The following TDP1 variants were observed in gnomAD, a reference collection of about 807,000 sequenced individuals.
The protein encoded by TDP1 is tyrosyl-DNA phosphodiesterase 1, also known as tyr-DNA phosphodiesterase 1.
A neutral mutation model predicts 81.5 loss-of-function variants in TDP1; 64 were observed. That is an observed-to-expected ratio of 0.79 (90% CI 0.64 to 0.97). The LOEUF (loss-of-function observed/expected upper bound fraction) is 0.97, where lower values mean the gene tolerates loss of function less well. Ranked by LOEUF, TDP1 falls within the 50% of genes least tolerant of loss-of-function variation. The pLI, the probability that TDP1 is intolerant of heterozygous loss-of-function variation, is 0.00. For missense variants in TDP1, 723 were observed against 743.8 expected (o/e 0.97, Z 0.33); for synonymous variants, 256 against 264.3 (o/e 0.97, Z 0.30).
chr14:90,010,922 T>C (rs1051135615), intron 14 of TDP1, among the ~76,000 whole-genome samples: 8 of 152,172 alleles, frequency 5.3e-5, no homozygotes, highest in Admixed American at 2.0e-4. Flanking sequence ...AGTAGTGATA[T>C]GGGCTGGCTG....
chr14:90,033,824 G>C (rs541665391), intron 16 of TDP1, among the ~76,000 whole-genome samples: 7 of 152,260 alleles, frequency 4.6e-5, no homozygotes, highest in African/African-American at 1.7e-4. Context: ...AGCACCCTTG[G>C]AGGCCGAGGC....
intron 8 of TDP1, chr14:89,981,363 C>A: frequency 2.4e-6 from 1 of 411,860 alleles, no homozygotes; most frequent in Non-Finnish European, 4.8e-6. Flanking sequence ...ATCCCCTTTT[C>A]AAGAGGGGTT....
At chr14:90,006,568 G>C (rs528805512) in intron 14 of TDP1, among the ~76,000 whole-genome samples, 2 of 151,680 alleles carry the variant, frequency 1.3e-5, no homozygotes, top group South Asian at 2.1e-4. Context: ...ACAGAGTCTT[G>C]CTCTGTCACC....
At chr14:90,030,810 G>T (rs1198329534) in intron 15 of TDP1, among the ~76,000 whole-genome samples, 1 of 151,022 alleles carries the variant, frequency 6.6e-6, no homozygotes, top group East Asian at 1.9e-4. Context: ...CTGTCACCTA[G>T]CCTGGAGTGC....
chr14:90,002,567 T>C (rs958234035), intron 14 of TDP1, among the ~76,000 whole-genome samples: 3 of 152,056 alleles, frequency 2.0e-5, no homozygotes, highest in Non-Finnish European at 4.4e-5. Context: ...ATATAAAATA[T>C]ATGACCTTAA....
chr14:89,986,386 G>A (rs564412893), intron 10 of TDP1, among the ~76,000 whole-genome samples: 4 of 152,300 alleles, frequency 2.6e-5, no homozygotes, highest in Admixed American at 2.0e-4. Flanking sequence ...GTGATTGTGA[G>A]GATTAAATGA....
chr14:89,987,436 A>G (rs1320210492), intron 10 of TDP1, among the ~76,000 whole-genome samples: 2 of 152,248 alleles, frequency 1.3e-5, no homozygotes, highest in South Asian at 2.1e-4. Flanking sequence ...GCTTAGAGGA[A>G]TAAGTACAGG....
At chr14:90,040,938 ATT>A (rs1281124512) in intron 16 of TDP1, among the ~76,000 whole-genome samples, 3 of 152,210 alleles carry the variant, frequency 2.0e-5, no homozygotes, top group Non-Finnish European at 4.4e-5. Flanking sequence ...GCTACAGGGA[ATT>A]TGCCAACAGA....
intron 8 of TDP1, among the ~76,000 whole-genome samples, chr14:89,982,424 T>C (rs575864322): frequency 6.6e-6 from 1 of 152,296 alleles, no homozygotes; most frequent in South Asian, 2.1e-4. Flanking sequence ...CATGTGGCCC[T>C]ATCAAAAGGC....
chr14:90,013,079 AG>A (rs1325653330), intron 14 of TDP1, among the ~76,000 whole-genome samples: 1 of 152,240 alleles, frequency 6.6e-6, no homozygotes, highest in African/African-American at 2.4e-5. Context: ...CATTGTATTT[AG>A]GAAGTAACTG....
chr14:90,009,241 C>T (rs760399997), intron 14 of TDP1, among the ~76,000 whole-genome samples: 5 of 152,164 alleles, frequency 3.3e-5, no homozygotes, highest in African/African-American at 4.8e-5. Context: ...CTGGTCTCTT[C>T]AAGAACCTGG....
intron 4 of TDP1, chr14:89,967,091 T>C: frequency 2.0e-6 from 2 of 985,394 alleles, no homozygotes; most frequent in African/African-American, 3.5e-5. Context: ...AATAACACCC[T>C]GCGGACAAGT....
intron 14 of TDP1, among the ~76,000 whole-genome samples, chr14:90,005,162 C>T (rs759811165): frequency 3.9e-5 from 6 of 152,200 alleles, no homozygotes; most frequent in South Asian, 4.2e-4. Flanking sequence ...ATCTGCTCTG[C>T]AGCCACACTC....
chr14:89,987,012 T>G (rs1381449089), intron 10 of TDP1: 1 of 152,274 alleles, frequency 6.6e-6, no homozygotes, highest in East Asian at 1.9e-4. Flanking sequence ...AAGCAGGAAA[T>G]GCAGATCAGT....
chr14:89,986,977 T>C (rs1295944335), intron 10 of TDP1: 2 of 152,248 alleles, frequency 1.3e-5, no homozygotes, highest in Admixed American at 1.3e-4. Context: ...TTCTTAATTG[T>C]TTCTGCAGCT....
chr14:90,027,574 C>G (rs1436988762), intron 15 of TDP1, among the ~76,000 whole-genome samples: 1 of 152,168 alleles, frequency 6.6e-6, no homozygotes, highest in African/African-American at 2.4e-5. Context: ...CTCTTTGTCT[C>G]AGAGACTCTG....
At chr14:89,980,389 A>G in intron 7 of TDP1, 151 bp from the exon 8 acceptor site, 1 of 1,407,000 alleles carries the variant, frequency 7.1e-7, no homozygotes, top group Non-Finnish European at 9.6e-7. Flanking sequence ...TCATCATGGT[A>G]ATGTATAGAA....
chr14:89,964,592 G>C (rs1399509243), intron 3 of TDP1, among the ~76,000 whole-genome samples: 1 of 152,098 alleles, frequency 6.6e-6, no homozygotes, highest in African/African-American at 2.4e-5. Context: ...TATATATCCA[G>C]TATATAATTG....
At chr14:89,998,408 A>ATGTATGTATG (rs1261218265) in intron 14 of TDP1, among the ~76,000 whole-genome samples, 2 of 107,278 alleles carry the variant, frequency 1.9e-5, no homozygotes, top group East Asian at 5.6e-4. Context: ...ATATATATAT[A>ATGTATGTATG]TATATATATA....
Sources: allele counts gnomAD v4.1 joint callset (sites outside exome capture counted in the v4.1 genomes callset), GRCh38; gene constraint gnomAD v4.1.1; transcripts MANE v1.5; gene names NCBI Gene and HGNC (gene_info 2026-07-23, HGNC 2026-07-21).